The following FGFR2 variants were observed in gnomAD, a reference collection of about 807,000 sequenced individuals.
FGFR2 encodes fibroblast growth factor receptor 2, also known as BEK fibroblast growth factor receptor.
FGFR2 carries 19 observed loss-of-function variants against 95.9 expected under a neutral mutation model. The observed-to-expected ratio is 0.20, with a 90% confidence interval of 0.14 to 0.29. The LOEUF (loss-of-function observed/expected upper bound fraction) is 0.29, where lower values mean the gene tolerates loss of function less well. FGFR2 is among the 10% of genes least tolerant of loss of function. The pLI is 1.00. For synonymous variants in FGFR2, 392 were observed against 393.3 expected, an observed-to-expected ratio of 1.00 and a Z score of 0.04; for missense variants, 707 against 1,056.9, an observed-to-expected ratio of 0.67 and a Z score of 4.59.
Position 121,518,584 on chromosome 10 carries a change from T to C in FGFR2, c.940-1121A>G. On this transcript the variant is annotated intron_variant, in intron 7 of 17. Coordinates refer to ENST00000358487, the MANE Select transcript of FGFR2 (RefSeq NM_000141.5). The surrounding 1 kb of genome is among the most constrained non-coding windows in gnomAD (Gnocchi z 4.0). Reference sequence around the variant, plus strand: ...AAATATACCAAGGCCACAAGAGTTATCCTATAAGCTGCCTGCAGTCTCCCA... The same window carrying C: ...AAATATACCAAGGCCACAAGAGTTACCCTATAAGCTGCCTGCAGTCTCCCA... 1 of 1,356,800 alleles carries C rather than the reference T, an allele frequency of 7.4e-7. No individual in the cohort carries two copies. Among genetic ancestry groups the C allele is most frequent in the Non-Finnish European group, 1.0e-6 (1 of 963,418 alleles). 84.0% of individuals were successfully genotyped at this position (1,356,800 alleles called of 1,614,324 possible).
intron 4 of FGFR2, among the ~76,000 whole-genome samples, chr10:121,561,053 C>A (rs943333282): frequency 6.6e-6 from 1 of 152,204 alleles, no homozygotes; most frequent in Non-Finnish European, 1.5e-5. Flanking sequence ...TGCTAGGAGA[C>A]TCAGGGACAA....
chr10:121,551,305 G>C lies in FGFR2; in HGVS notation c.609C>G (p.Arg203=), dbSNP rs1231721691. The C allele has an allele frequency of 6.2e-7, 1 of 1,614,196 alleles. No homozygotes were observed. The highest frequency in any genetic ancestry group is 1.7e-5 in the Admixed American group (1 of 60,028). The change falls in exon 5 of 18, where the codon CGC becomes CGG. Residue 203 remains arginine, a synonymous_variant. Transcript: ENST00000358487. ...KNGKEFKQEH[R]IGGYKVRNQH... is the part of the protein sequence containing the mutation. ...TTAATTCTACCTTGTAGCCTCCAAT[G>C]CGATGCTCCTGCTTAAACTCCTTCC...
At chr10:121,500,230 C>T (rs1272546815) in intron 11 of FGFR2, among the ~76,000 whole-genome samples, 1 of 152,186 alleles carries the variant, frequency 6.6e-6, no homozygotes, top group Non-Finnish European at 1.5e-5. Context: ...GAAGTGTTCA[C>T]AGTCCCACAA....
At position 121,485,642 on chromosome 10, in the gene FGFR2, A is replaced by C; in HGVS notation, c.2058-110T>G. Reference sequence around the variant, plus strand: ...CCTCACTTCTGAAGTTCAAAGACAAATGGGCCCTCCTGCAGTTCCTCCTAT... The same window carrying C: ...CCTCACTTCTGAAGTTCAAAGACAACTGGGCCCTCCTGCAGTTCCTCCTAT... On this transcript the variant is annotated intron_variant, in intron 15 of 17. Coordinates refer to ENST00000358487, the MANE Select transcript of FGFR2 (RefSeq NM_000141.5). The surrounding 1 kb of genome is among the most constrained non-coding windows in gnomAD (Gnocchi z 4.2). The C allele has an allele frequency of 5.6e-6, 8 of 1,423,104 alleles. No individual in the cohort carries two copies. The highest frequency in any genetic ancestry group is 4.7e-5 in the East Asian group (2 of 42,832). The allele number at this position is 1,423,104 out of a possible 1,614,324, so 88.2% of individuals were successfully genotyped here.
At chr10:121,581,761 TAAAAAAAA>T (rs55911512) in intron 2 of FGFR2, among the ~76,000 whole-genome samples, 4 of 62,558 alleles carry the variant, frequency 6.4e-5, no homozygotes, top group African/African-American at 1.1e-4. Flanking sequence ...ACCCTGCATT[TAAAAAAAA>T]AAAAAAAAAA....
At chr10:121,592,323 T>A (rs569678074) in intron 2 of FGFR2, among the ~76,000 whole-genome samples, 1 of 152,302 alleles carries the variant, frequency 6.6e-6, no homozygotes, top group Non-Finnish European at 1.5e-5. Context: ...CATCCTGGTG[T>A]CCCAGCACAA....
intron 2 of FGFR2, among the ~76,000 whole-genome samples, chr10:121,586,676 A>T (rs1219648): frequency 6.6e-6 from 1 of 151,982 alleles, no homozygotes; most frequent in Non-Finnish European, 1.5e-5. Flanking sequence ...CTTGACACAC[A>T]CTCTTCAAGG....
intron 6 of FGFR2, among the ~76,000 whole-genome samples, chr10:121,532,177 A>G (rs1406199059): frequency 2.6e-5 from 4 of 152,230 alleles, no homozygotes; most frequent in Non-Finnish European, 4.4e-5. Context: ...CCTGGCCAGG[A>G]AGCCTCTAAG....
In FGFR2 at chr10:121,515,285, T is replaced by G. The variant is rs1178769513; in HGVS notation, c.1119A>C (p.Pro373=). The change falls in exon 9 of 18, where the codon CCA becomes CCC. Residue 373 remains proline (P), a synonymous_variant. Coordinates refer to ENST00000358487, the MANE Select transcript of FGFR2 (RefSeq NM_000141.5). ...AGTAAATGGCTATCTCCAGGTAGTCTGGGGAAGCTGTAATCTCCTTTTCTC... is the reference window on the plus strand; with the variant it reads ...AGTAAATGGCTATCTCCAGGTAGTCGGGGGAAGCTGTAATCTCCTTTTCTC... The part of the protein sequence containing the change: ...PGREKEITAS[P]DYLEIAIYCI... The G allele has an allele frequency of 1.2e-6, 2 of 1,614,126 alleles. No homozygotes were observed. The highest frequency in any genetic ancestry group is 2.2e-5 in the South Asian group (2 of 91,072).
chr10:121,538,267 A>G (rs1853146426), intron 6 of FGFR2: 12 of 732,872 alleles, frequency 1.6e-5, no homozygotes, highest in South Asian at 1.5e-4. Context: ...GCTACAGCAC[A>G]TCTGTACCCT....
At chr10:121,539,216 C>T (rs373151927) in intron 5 of FGFR2, among the ~76,000 whole-genome samples, 6 of 152,234 alleles carry the variant, frequency 3.9e-5, no homozygotes, top group African/African-American at 1.4e-4. Flanking sequence ...TCCTAAGGGG[C>T]TCATAGTTCT....
intron 5 of FGFR2, among the ~76,000 whole-genome samples, chr10:121,546,372 C>G (rs1854517175): frequency 6.6e-6 from 1 of 152,004 alleles, no homozygotes; most frequent in South Asian, 2.1e-4. Context: ...ATGGTCAAGA[C>G]TGACGCAAAA....
chr10:121,509,830 G>A (rs912675307), intron 9 of FGFR2, among the ~76,000 whole-genome samples: 2 of 151,828 alleles, frequency 1.3e-5, no homozygotes, highest in Non-Finnish European at 2.9e-5. Flanking sequence ...ATCTAGAGGG[G>A]ATTTCTCAGA....
intron 11 of FGFR2, 60 bp from the exon 12 acceptor site, chr10:121,498,665 T>A: frequency 2.2e-6 from 3 of 1,382,812 alleles, no homozygotes; most frequent in South Asian, 1.2e-5. Flanking sequence ...GGGCAGCTAC[T>A]GTTAGTTGCC....
At chr10:121,596,288 C>T (rs557464089) in intron 1 of FGFR2, among the ~76,000 whole-genome samples, 1 of 152,210 alleles carries the variant, frequency 6.6e-6, no homozygotes, top group African/African-American at 2.4e-5. Context: ...CAAAGACAGG[C>T]AGAGTGACAA....
At chr10:121,509,593 C>G (rs1848788120) in intron 9 of FGFR2, among the ~76,000 whole-genome samples, 1 of 148,406 alleles carries the variant, frequency 6.7e-6, no homozygotes, top group Non-Finnish European at 1.5e-5. Flanking sequence ...AAGTGATTCT[C>G]CTGCCTCAGC....
intron 6 of FGFR2, among the ~76,000 whole-genome samples, chr10:121,522,437 AGTCCCAGGTACTTGGGACTGAG>A (rs1850691980): frequency 6.6e-6 from 1 of 152,134 alleles, no homozygotes; most frequent in Non-Finnish European, 1.5e-5. Flanking sequence ...GCATGCCTGT[AGTCCCAGGTACTTGGGACTGAG>A]GTGAGAGAAT....
intron 17 of FGFR2, 25 bp downstream of exon 17, chr10:121,483,673 G>A (rs564747036): frequency 1.6e-5 from 24 of 1,542,140 alleles, no homozygotes; most frequent in Admixed American, 1.5e-4. Flanking sequence ...CCAAGGACAA[G>A]GGGCTTCTAG....
At chr10:121,560,701 T>A (rs1856837249) in intron 4 of FGFR2, among the ~76,000 whole-genome samples, 1 of 147,792 alleles carries the variant, frequency 6.8e-6, no homozygotes. Flanking sequence ...AATGATAACC[T>A]CTTTAGAAGG....
Sources: gnomAD v4.1 joint callset for allele counts (sites outside exome capture counted in the v4.1 genomes callset) on GRCh38, gnomAD v4.1.1 for gene constraint, Gnocchi (gnomAD v3.1) non-coding constraint, MANE v1.5 for transcripts, NCBI Gene and HGNC (gene_info 2026-07-23, HGNC 2026-07-21) for gene names.